Variants in PARP14 observed in about 807,000 individuals in gnomAD.
PARP14 encodes poly(ADP-ribose) polymerase family member 14, also known as protein mono-ADP-ribosyltransferase PARP14.
In PARP14, 59 loss-of-function variants were observed where a neutral mutation model predicts 154.2. That is an observed-to-expected ratio of 0.38 (90% CI 0.31 to 0.48). The LOEUF (loss-of-function observed/expected upper bound fraction) is 0.48, where lower values mean the gene tolerates loss of function less well. Among genes scored for constraint, PARP14 ranks in the 20% least tolerant of loss-of-function variants. The pLI is 0.98. For missense variants in PARP14, 1,734 were observed against 2,131.6 expected (o/e 0.81, Z 3.67); for synonymous variants, 720 against 780.5 (o/e 0.92, Z 1.29).
Position 122,700,891 on chromosome 3 carries a change from A to T in PARP14, c.2337A>T (p.Glu779Asp). The T allele has an allele frequency of 6.2e-7, 1 of 1,614,066 alleles. No individual in the cohort carries two copies. Among genetic ancestry groups the T allele is most frequent in the Non-Finnish European group, 8.5e-7 (1 of 1,179,902 alleles). The change falls in exon 6 of 17, where the codon GAA becomes GAT. Residue 779 changes from glutamate (E) to aspartate (D), a missense_variant. Transcript: ENST00000474629. ...GTTACATTGAACTACAGGAGAATGA[A>T]GTAATGAAGGAGGGAGGCAGCCCCG... ...FGCYIELQEN[E>D]VMKEGGSPAG...
chr3:122,695,938 A>C (rs990397073), intron 5 of PARP14, among the ~76,000 whole-genome samples: 2 of 152,242 alleles, frequency 1.3e-5, no homozygotes, highest in Non-Finnish European at 2.9e-5. Context: ...GATCTTTGAA[A>C]TAATATATTA....
At position 122,728,506 on chromosome 3, in the gene PARP14, C is replaced by G. The variant is rs1367041777; in HGVS notation, c.5315C>G (p.Thr1772Ser). The G allele has an allele frequency of 6.2e-7, 1 of 1,613,298 alleles. No homozygotes were observed. Among genetic ancestry groups the G allele is most frequent in the Admixed American group, 1.7e-5 (1 of 60,012 alleles). Residue 1772 changes from threonine to serine, a missense_variant, in exon 17 of 17, where the codon ACT (threonine) becomes AGT (serine). Transcript: ENST00000474629. Reference protein sequence around the residue: ...NPQNPTDLYDTVTDNVHHPSL... With the variant: ...NPQNPTDLYDSVTDNVHHPSL... ...CAAAATCCTACTGACCTGTATGACA[C>G]TGTCACAGATAATGTGCACCATCCA... is the stretch of plus-strand genomic sequence containing the variant.
chr3:122,692,167 C>T, intron 3 of PARP14, 134 bp from the exon 4 acceptor site: 1 of 581,072 alleles, frequency 1.7e-6, no homozygotes. Flanking sequence ...AAAAAGCCAT[C>T]CAAGGTCTGT....
chr3:122,688,572 A>G (rs565433062), intron 3 of PARP14, among the ~76,000 whole-genome samples: 1 of 152,294 alleles, frequency 6.6e-6, no homozygotes, highest in Admixed American at 6.5e-5. Context: ...CTTTAAAGGA[A>G]GCAGAGGTTC....
chr3:122,689,839 AC>A (rs1272207777), intron 3 of PARP14, among the ~76,000 whole-genome samples: 1 of 151,378 alleles, frequency 6.6e-6, no homozygotes, highest in East Asian at 1.9e-4. Context: ...AGTCCAGACC[AC>A]CTTCTGGATC....
chr3:122,713,213 A>G (rs6795132), intron 9 of PARP14, among the ~76,000 whole-genome samples: 13,324 of 152,264 alleles, frequency 0.088, 682 homozygotes, highest in East Asian at 0.13. Flanking sequence ...GGTCAGCACC[A>G]GAGTTCATGT....
At position 122,714,146 on chromosome 3, in the gene PARP14, C is replaced by A. The variant is rs987399487; in HGVS notation, c.3833-116C>A. ...TAGCATTCCATCAAAGATAGTATTT[C>A]AGGAGTTTTTTTTTTTTCACAAAAT... On this transcript the variant is annotated intron_variant, in intron 11 of 16. Transcript: ENST00000474629. 5.7e-6 allele frequency: 5 copies of A among 884,550 alleles called. No individual in the cohort carries two copies. In the South Asian group the frequency reaches 6.7e-5, roughly 12 times the overall value. The allele number at this position is 884,550 out of a possible 1,614,324, so 54.8% of individuals were successfully genotyped here.
chr3:122,701,451 C>G lies in PARP14; in HGVS notation c.2897C>G (p.Thr966Ser). ...TACCTTGTGGATGTATCTGAGAAGA[C>G]TGTTGAGGCCTTTGCAGAAGCTGTG... ...EIYLVDVSEK[T>S]VEAFAEAVKT... The change falls in exon 6 of 17, where the codon ACT becomes AGT. Residue 966 changes from threonine to serine, a missense_variant. Thr to Ser is a moderately conservative substitution (Grantham distance 58). Around this residue, in one of 2 missense-constraint regions of PARP14, gnomAD observed 1,646 missense variants for 1,976.0 expected, o/e 0.83. Coordinates refer to ENST00000474629, the MANE Select transcript of PARP14 (RefSeq NM_017554.3). This position sits in a 1 kb window ranked among gnomAD's most constrained non-coding sequence, Gnocchi z 4.0. 6.2e-7 allele frequency: 1 copy of G among 1,613,992 alleles called. No individual in the cohort carries two copies. The highest frequency in any genetic ancestry group is 8.5e-7 in the Non-Finnish European group (1 of 1,179,886).
At chr3:122,725,340 G>A (rs897190093) in intron 15 of PARP14, among the ~76,000 whole-genome samples, 23 of 149,410 alleles carry the variant, frequency 1.5e-4, no homozygotes, top group East Asian at 1.4e-3. Flanking sequence ...ATGGGGTGGC[G>A]GCCGGGCAGA....
In PARP14 at chr3:122,728,780, G is replaced by C; in HGVS notation, c.*183G>C. On this transcript the variant is annotated 3_prime_UTR_variant, in exon 17 of 17. Coordinates refer to ENST00000474629, the MANE Select transcript of PARP14 (RefSeq NM_017554.3). ...ATAATGGAAATGAACTTATTATCTT[G>C]AGAGCAAATAACTTGGAAAATTTAA... 1 of 573,622 alleles carries C rather than the reference G, an allele frequency of 1.7e-6. No individual in the cohort carries two copies. Among genetic ancestry groups the C allele is most frequent in the Non-Finnish European group, 3.1e-6 (1 of 324,946 alleles). 35.5% of individuals were successfully genotyped at this position (573,622 alleles called of 1,614,324 possible).
Position 122,704,619 on chromosome 3 carries a change from G to T in PARP14, c.3411G>T (p.Leu1137Phe), listed in dbSNP as rs1397042301. 1 of 1,605,762 alleles carries T rather than the reference G, an allele frequency of 6.2e-7. No homozygotes were observed. Among genetic ancestry groups the T allele is most frequent in the South Asian group, 1.1e-5 (1 of 89,594 alleles). ...IAFPAIGTGN[L>F]GFPKNIFAEL... Reference sequence around the variant, plus strand: ...TTCCAGCAATAGGAACAGGAAACTTGGGATTTCCTAAAAACATATTCGCTG... The same window carrying T: ...TTCCAGCAATAGGAACAGGAAACTTTGGATTTCCTAAAAACATATTCGCTG... Residue 1137 changes from leucine to phenylalanine, a missense_variant, in exon 8 of 17, where the codon TTG becomes TTT. By Grantham distance (22) the Leu-to-Phe change is conservative (BLOSUM62 0). Transcript: ENST00000474629.
intron 4 of PARP14, among the ~76,000 whole-genome samples, chr3:122,693,887 A>G (rs773793938): frequency 5.3e-5 from 8 of 151,972 alleles, no homozygotes; most frequent in Non-Finnish European, 7.4e-5. Context: ...GTGCTTAACA[A>G]CTTAACGTAG....
Position 122,713,895 on chromosome 3 carries a change from T to C in PARP14, c.3793T>C (p.Cys1265Arg), listed in dbSNP as rs766193163. The C allele has an allele frequency of 5.7e-5, 92 of 1,612,642 alleles. No homozygotes were observed. The highest frequency in any genetic ancestry group is 7.6e-5 in the Non-Finnish European group (90 of 1,178,824). The change falls in exon 11 of 17, where the codon TGT becomes CGT. Residue 1265 changes from cysteine to arginine, a missense_variant. Coordinates refer to ENST00000474629, the MANE Select transcript of PARP14 (RefSeq NM_017554.3). The part of the protein sequence containing the change: ...KAGVSKAILE[C>R]AGQNVERECS... ...AGGGGTCTCCAAAGCAATTTTAGAA[T>C]GTGCTGGACAAAATGTAGAAAGGGA...
At chr3:122,715,620 AT>A (rs1932976456) in intron 12 of PARP14, among the ~76,000 whole-genome samples, 2 of 130,264 alleles carry the variant, frequency 1.5e-5, no homozygotes, top group Non-Finnish European at 3.7e-5. Flanking sequence ...CTATCTATCT[AT>A]CTATCTATCT....
At chr3:122,707,579 C>T (rs1939199312) in intron 8 of PARP14, among the ~76,000 whole-genome samples, 1 of 152,060 alleles carries the variant, frequency 6.6e-6, no homozygotes, top group Non-Finnish European at 1.5e-5. Flanking sequence ...TCAAGACCAG[C>T]TTGAGCAACA....
intron 6 of PARP14, among the ~76,000 whole-genome samples, chr3:122,703,056 CT>C (rs1481492646): frequency 6.6e-6 from 1 of 151,188 alleles, no homozygotes; most frequent in Non-Finnish European, 1.5e-5. Flanking sequence ...GTTTGCTTTC[CT>C]TTCACTCCCA....
intron 9 of PARP14, among the ~76,000 whole-genome samples, chr3:122,713,068 G>GT (rs1488446467): frequency 6.6e-6 from 1 of 152,224 alleles, no homozygotes; most frequent in Non-Finnish European, 1.5e-5. Context: ...GCTTCTGCAA[G>GT]TTTTGGCACC....
intron 3 of PARP14, among the ~76,000 whole-genome samples, chr3:122,690,222 T>C (rs1938495500): frequency 6.6e-6 from 1 of 152,212 alleles, no homozygotes; most frequent in Admixed American, 6.5e-5. Context: ...CCAGTTCACT[T>C]AGTCCTATAC....
chr3:122,697,536 G>T (rs546580807), intron 5 of PARP14, among the ~76,000 whole-genome samples: 1 of 152,228 alleles, frequency 6.6e-6, no homozygotes, highest in African/African-American at 2.4e-5. Flanking sequence ...TTTCTTATAG[G>T]ATATTTCACC....
Sources: gnomAD v4.1 joint callset for allele counts (sites outside exome capture counted in the v4.1 genomes callset) on GRCh38, gnomAD v4.1.1 for gene constraint, gnomAD v4.1.1 regional missense constraint, Gnocchi (gnomAD v3.1) non-coding constraint, MANE v1.5 for transcripts, NCBI Gene and HGNC (gene_info 2026-07-23, HGNC 2026-07-21) for gene names.